The following UBXN2A variants were observed in gnomAD, a reference collection of about 807,000 sequenced individuals.
UBXN2A encodes UBX domain protein 2A, also known as UBX domain-containing protein 2A.
In UBXN2A, 28 loss-of-function variants were observed where a neutral mutation model predicts 28.4. The observed-to-expected ratio is 0.99, with a 90% CI of 0.73 to 1.35. The LOEUF is 1.35. UBXN2A is among the 40% of genes most tolerant of loss of function. The probability of loss-of-function intolerance (pLI) is 0.00; values close to 1 mark genes in which losing one functional copy is unlikely to be tolerated. For missense variants in UBXN2A, 253 were observed against 297.9 expected (o/e 0.85, Z 1.11); for synonymous variants, 97 against 103.6 (o/e 0.94, Z 0.39).
chr2:23,996,302 G>T (rs558279234), intron 6 of UBXN2A, among the ~76,000 whole-genome samples: 1 of 151,416 alleles, frequency 6.6e-6, no homozygotes, highest in Admixed American at 6.6e-5. Flanking sequence ...CCTGAACTCA[G>T]GTGATCTGTC....
intron 6 of UBXN2A, 146 bp from the exon 7 acceptor site, chr2:23,999,526 G>A (rs1246487675): frequency 3.6e-6 from 3 of 839,920 alleles, no homozygotes; most frequent in Non-Finnish European, 5.4e-6. Flanking sequence ...TATTATGATG[G>A]CACCACTGCA....
upstream of UBXN2A, among the ~76,000 whole-genome samples, chr2:23,936,545 C>CA (rs558126613): frequency 0.19 from 25,696 of 132,986 alleles, 2,257 homozygotes; most frequent in Middle Eastern, 0.25. Flanking sequence ...AATCCTACCT[C>CA]AAAAAAAAAA....
intron 2 of UBXN2A, among the ~76,000 whole-genome samples, chr2:23,967,338 C>G (rs1707221579): frequency 6.6e-6 from 1 of 152,116 alleles, no homozygotes; most frequent in African/African-American, 2.4e-5. Context: ...GCTTTATTGG[C>G]TTTGTATTTA....
intron 6 of UBXN2A, among the ~76,000 whole-genome samples, chr2:23,995,869 A>G (rs990027386): frequency 2.6e-4 from 39 of 152,158 alleles, no homozygotes; most frequent in African/African-American, 9.4e-4. Context: ...TGATCAAAAC[A>G]AAATCCTCTT....
At chr2:23,971,436 T>G (rs752429294) in intron 3 of UBXN2A, 22 bp downstream of exon 3, 1 of 1,507,204 alleles carries the variant, frequency 6.6e-7, no homozygotes. Context: ...TCTATTACTT[T>G]TCTTTTTCTT....
intron 4 of UBXN2A, among the ~76,000 whole-genome samples, chr2:23,979,781 G>A (rs940025898): frequency 1.3e-5 from 2 of 151,780 alleles, no homozygotes; most frequent in African/African-American, 4.8e-5. Context: ...GTGTTACCCA[G>A]GCTGGTCTCA....
chr2:23,982,823 G>A (rs1707966610), intron 4 of UBXN2A, 73 bp from the exon 5 acceptor site: 34 of 1,437,932 alleles, frequency 2.4e-5, no homozygotes, highest in Non-Finnish European at 3.1e-5. Context: ...TTCATTTTTT[G>A]TATGTACAGA....
chr2:23,960,544 T>C (rs2150839607), intron 2 of UBXN2A, among the ~76,000 whole-genome samples: 1 of 152,312 alleles, frequency 6.6e-6, no homozygotes, highest in East Asian at 1.9e-4. Flanking sequence ...ACATAGTCAA[T>C]TTTCGCGCAT....
chr2:23,999,957 C>A lies in UBXN2A; in HGVS notation c.*90C>A. On this transcript the variant is annotated 3_prime_UTR_variant, in exon 7 of 7. Transcript: ENST00000309033. ...AATTGGGGATTGGAGAAGTCAGACT[C>A]ACTAGACTTTTGGTTCGAGTACTAT... 1 of 1,352,668 alleles carries A rather than the reference C, an allele frequency of 7.4e-7. No homozygotes were observed. The highest frequency in any genetic ancestry group is 1.4e-5 in the South Asian group (1 of 73,058). 83.8% of individuals were successfully genotyped at this position (1,352,668 alleles called of 1,614,324 possible).
At chr2:23,983,517 G>A (rs1420445674) in intron 5 of UBXN2A, among the ~76,000 whole-genome samples, 3 of 151,886 alleles carry the variant, frequency 2.0e-5, no homozygotes, top group Non-Finnish European at 4.4e-5. Flanking sequence ...CAAAAAAAAA[G>A]AAATGCCAGC....
intron 3 of UBXN2A, 120 bp from the exon 4 acceptor site, chr2:23,976,849 G>A: frequency 1.4e-6 from 1 of 699,922 alleles, no homozygotes; most frequent in Non-Finnish European, 2.3e-6. Context: ...CCGAAGTGCT[G>A]GGATTACAGG....
At chr2:23,935,463 G>A (rs1389187175), upstream of UBXN2A, among the ~76,000 whole-genome samples, 3 of 151,886 alleles carry the variant, frequency 2.0e-5, no homozygotes, top group Non-Finnish European at 2.9e-5. Context: ...AAAAATATAC[G>A]AATAGCCAAT....
chr2:23,975,629 G>A (rs1707624957), intron 3 of UBXN2A, among the ~76,000 whole-genome samples: 1 of 152,048 alleles, frequency 6.6e-6, no homozygotes, highest in Admixed American at 6.6e-5. Context: ...CTTGACCCTA[G>A]CATCTACTTT....
intron 4 of UBXN2A, among the ~76,000 whole-genome samples, chr2:23,977,749 C>A (rs1161394493): frequency 6.6e-6 from 1 of 152,222 alleles, no homozygotes; most frequent in African/African-American, 2.4e-5. Context: ...AATGTTCACA[C>A]ACTCCCTACA....
In UBXN2A at chr2:23,977,093, G is replaced by A. The variant is rs1397053206; in HGVS notation, c.287+18G>A. 1.2e-6 allele frequency: 2 copies of A among 1,603,652 alleles called. No homozygotes were observed. Among genetic ancestry groups the A allele is most frequent in the Non-Finnish European group, 8.5e-7 (1 of 1,171,514 alleles). On this transcript the variant is annotated intron_variant, in intron 4 of 6. Coordinates refer to ENST00000309033, the MANE Select transcript of UBXN2A (RefSeq NM_181713.4). ...AAAAAGGGGTGAGTAGCCAGGTGTG[G>A]TAGGTCAAGCCTGTAAACCCAAAAC...
At chr2:23,964,267 A>G (rs969055432) in intron 2 of UBXN2A, among the ~76,000 whole-genome samples, 5 of 151,778 alleles carry the variant, frequency 3.3e-5, no homozygotes, top group Admixed American at 6.6e-5. Flanking sequence ...CTGGAGTGCA[A>G]TGGCACAATC....
chr2:23,929,588 C>G (rs1193877836), intron 1 of UBXN2A, among the ~76,000 whole-genome samples: 1 of 151,830 alleles, frequency 6.6e-6, no homozygotes, highest in Non-Finnish European at 1.5e-5. Context: ...TGGCAGACAC[C>G]TATAATCCCA....
At chr2:23,958,376 T>C (rs761372466) in intron 2 of UBXN2A, 21 bp downstream of exon 2, 1 of 1,594,030 alleles carries the variant, frequency 6.3e-7, no homozygotes, top group Non-Finnish European at 8.5e-7. Flanking sequence ...TCAAACTGAA[T>C]TGCTTTGTTA....
chr2:23,984,366 TA>T (rs773914709), intron 5 of UBXN2A, among the ~76,000 whole-genome samples: 1 of 152,140 alleles, frequency 6.6e-6, no homozygotes, highest in Non-Finnish European at 1.5e-5. Flanking sequence ...TAGGTAAAGG[TA>T]AAGTCCATAG....
Sources: allele counts gnomAD v4.1 joint callset (sites outside exome capture counted in the v4.1 genomes callset), GRCh38; gene constraint gnomAD v4.1.1; transcripts MANE v1.5; gene names NCBI Gene and HGNC (gene_info 2026-07-23, HGNC 2026-07-21).